Variants in ZC3H12B observed in about 807,000 individuals in gnomAD.
ZC3H12B encodes the protein zinc finger CCCH-type containing 12B, also known as probable ribonuclease ZC3H12B.
A neutral mutation model predicts 43.9 loss-of-function variants in ZC3H12B; 7 were observed. That is an observed-to-expected ratio of 0.16 (90% CI 0.09 to 0.30). ZC3H12B has a LOEUF of 0.30. Ranked by LOEUF, ZC3H12B falls within the 10% of genes least tolerant of loss-of-function variation. The pLI is 1.00. For synonymous variants in ZC3H12B, 222 were observed against 241.7 expected (o/e 0.92, Z 0.76); for missense variants, 475 against 670.2 (o/e 0.71, Z 3.22).
chrX:65,500,103 T>A (rs1359186468), intron 4 of ZC3H12B, 114 bp downstream of exon 9: 2 of 575,284 alleles, frequency 3.5e-6, no homozygotes, highest in Non-Finnish European at 5.7e-6. Context: ...TTGTCCACTG[T>A]CTTTGAGTTA....
At chrX:65,213,638 A>T in the ZC3H12B span, among the ~76,000 whole-genome samples, 5 of 111,010 alleles carry the variant, frequency 4.5e-5, no homozygotes, top group Admixed American at 9.7e-5. Context: ...TCAGATAACT[A>T]TGAAGTGGTT....
the ZC3H12B span, among the ~76,000 whole-genome samples, chrX:65,180,384 C>T: frequency 8.9e-6 from 1 of 111,745 alleles, no homozygotes; most frequent in Non-Finnish European, 1.9e-5. Flanking sequence ...TATGTCAAAT[C>T]CATAGCCAAT....
the ZC3H12B span, among the ~76,000 whole-genome samples, chrX:65,315,905 C>G: frequency 9.0e-6 from 1 of 111,439 alleles, no homozygotes; most frequent in Admixed American, 9.6e-5. Context: ...AAACCCAATC[C>G]AATGAACTTA....
the ZC3H12B span, among the ~76,000 whole-genome samples, chrX:65,069,958 A>G: frequency 1.8e-5 from 2 of 110,881 alleles, no homozygotes; most frequent in African/African-American, 6.6e-5. Flanking sequence ...TGCTGGCCTC[A>G]TATAAATAGT....
the ZC3H12B span, among the ~76,000 whole-genome samples, chrX:65,286,148 A>G: frequency 4.5e-5 from 5 of 112,051 alleles, no homozygotes. Flanking sequence ...AATAGCAAAG[A>G]CATGGAATCA....
chrX:65,173,139 G>A, the ZC3H12B span, among the ~76,000 whole-genome samples: 205 of 111,408 alleles, frequency 1.8e-3, no homozygotes, highest in African/African-American at 6.4e-3. Context: ...TCCTTCCTGT[G>A]CCTTGTAAGT....
intron 2 of ZC3H12B, among the ~76,000 whole-genome samples, chrX:65,387,615 T>C (rs1250345936): frequency 8.9e-6 from 1 of 112,210 alleles, no homozygotes; most frequent in Admixed American, 9.5e-5. Flanking sequence ...CTGTGTCTTT[T>C]ATTTGGAGCA....
chrX:65,338,334 G>A, the ZC3H12B span, among the ~76,000 whole-genome samples: 1 of 111,560 alleles, frequency 9.0e-6, no homozygotes, highest in East Asian at 2.8e-4. Flanking sequence ...ACTCTGAAGA[G>A]ACCAATATTA....
intron 3 of ZC3H12B, among the ~76,000 whole-genome samples, chrX:65,401,242 G>A (rs1334695377): frequency 1.8e-5 from 2 of 111,618 alleles, no homozygotes; most frequent in Non-Finnish European, 3.8e-5. Context: ...GCAGCAGTGT[G>A]GTACAGAGAG....
chrX:65,331,725 G>A, the ZC3H12B span, among the ~76,000 whole-genome samples: 60 of 110,887 alleles, frequency 5.4e-4, 1 homozygote, highest in Middle Eastern at 9.2e-3. Flanking sequence ...GCTAAGCAAG[G>A]GGTGTATTAT....
chrX:65,433,063 A>C (rs1350824108), intron 3 of ZC3H12B, among the ~76,000 whole-genome samples: 1 of 112,767 alleles, frequency 8.9e-6, no homozygotes, highest in Non-Finnish European at 1.9e-5. Flanking sequence ...TTATGGAGAG[A>C]TACGGAGAAA....
At chrX:65,439,867 G>A (rs1426015698) in intron 3 of ZC3H12B, among the ~76,000 whole-genome samples, 1 of 110,075 alleles carries the variant, frequency 9.1e-6, no homozygotes, top group African/African-American at 3.3e-5. Flanking sequence ...TCTCAACATG[G>A]CTGCAACTGG....
the ZC3H12B span, among the ~76,000 whole-genome samples, chrX:65,075,412 G>T: frequency 8.9e-6 from 1 of 112,498 alleles, no homozygotes; most frequent in Admixed American, 9.4e-5. Context: ...GTTAACATCT[G>T]TCTTCTCTAC....
At chrX:65,490,523 A>G (rs2068189840) in intron 1 of ZC3H12B, among the ~76,000 whole-genome samples, 1 of 111,511 alleles carries the variant, frequency 9.0e-6, no homozygotes, top group South Asian at 3.7e-4. Context: ...TTGAACTTGT[A>G]AGAGAATAAA....
exon 1 of ZC3H12B, chrX:65,489,319 T>C (rs776433255): frequency 1.9e-5 from 23 of 1,209,246 alleles, no homozygotes; most frequent in Non-Finnish European, 2.6e-5. Context: ...TCCAGAGAGA[T>C]TGCAAGCCCT....
the ZC3H12B span, among the ~76,000 whole-genome samples, chrX:65,113,985 G>GTGTATATATATA: frequency 2.7e-4 from 13 of 47,483 alleles, no homozygotes; most frequent in African/African-American, 7.2e-4. Flanking sequence ...AGATATGCTT[G>GTGTATATATATA]TATATATATA....
chrX:65,179,210 G>A, the ZC3H12B span, among the ~76,000 whole-genome samples: 3 of 108,752 alleles, frequency 2.8e-5, no homozygotes, highest in East Asian at 8.7e-4. Flanking sequence ...TGAACAATGA[G>A]AACACATGGA....
chrX:65,499,135 T>C, exon 3 of ZC3H12B: 3 of 1,211,418 alleles, frequency 2.5e-6, no homozygotes, highest in East Asian at 3.0e-5. Context: ...ATGGCATCAT[T>C]GTGTCCAATG....
the ZC3H12B span, among the ~76,000 whole-genome samples, chrX:65,241,842 C>G: frequency 2.7e-5 from 3 of 111,650 alleles, no homozygotes; most frequent in East Asian, 8.5e-4. Context: ...TGGATTCAGC[C>G]CTTTTTTCGG....
Sources: allele counts gnomAD v4.1 joint callset (sites outside exome capture counted in the v4.1 genomes callset), GRCh38; gene constraint gnomAD v4.1.1; transcripts MANE v1.5; gene names NCBI Gene and HGNC (gene_info 2026-07-23, HGNC 2026-07-21).